The following CCR3 variants were observed in gnomAD, a reference collection of about 807,000 sequenced individuals.
CCR3 encodes the protein C-C motif chemokine receptor 3, also known as C-C chemokine receptor type 3.
For missense variants in CCR3, 419 were observed against 437.5 expected (o/e 0.96, Z 0.38); for synonymous variants, 203 against 179.2 (o/e 1.13, Z -1.06).
chr3:46,250,074 G>A lies in CCR3; in HGVS notation c.-12+7536G>A, dbSNP rs552124755. Among the ~76,000 whole-genome samples, 279 of 152,246 alleles carry A rather than the reference G, an allele frequency of 1.8e-3. 2 individuals carry two copies. Among genetic ancestry groups the A allele is most frequent in the African/African-American group, 6.4e-3 (264 of 41,520 alleles). ...GCGTCTCAGGGTTGCTGCCGAATGAGCCATGAACTGGGCTGGGTTTTTATA... is the reference window on the plus strand; with the variant it reads ...GCGTCTCAGGGTTGCTGCCGAATGAACCATGAACTGGGCTGGGTTTTTATA... On this transcript the variant is annotated intron_variant, in intron 1 of 1. Coordinates refer to ENST00000395940, the MANE Select transcript of CCR3 (RefSeq NM_178329.3).
At chr3:46,240,078 G>A (rs1700064322), upstream of CCR3, among the ~76,000 whole-genome samples, 1 of 152,074 alleles carries the variant, frequency 6.6e-6, no homozygotes, top group Admixed American at 6.5e-5. Context: ...GTCTTCAGAT[G>A]TCATTGACCG....
intron 2 of CCR3, among the ~76,000 whole-genome samples, chr3:46,230,564 A>G (rs912286923): frequency 3.9e-5 from 6 of 152,010 alleles, no homozygotes. Flanking sequence ...TTGCTTAACA[A>G]ACTCACCTCA....
chr3:46,227,280 T>G (rs1699911515), intron 2 of CCR3, among the ~76,000 whole-genome samples: 2 of 152,196 alleles, frequency 1.3e-5, no homozygotes, highest in South Asian at 4.1e-4. Flanking sequence ...GATAATAAAG[T>G]AGTTCATAGT....
rs1390292450 is a variant in CCR3, at chr3:46,264,364, C to T, written c.-11-784C>T. ...ACTGTGATTGTACATGTGTAACAGA[C>T]AAAATGTGTATTTTTTTCACAGCTG... is the stretch of plus-strand genomic sequence containing the variant. On this transcript the variant is annotated intron_variant, in intron 1 of 1. Coordinates refer to ENST00000395940, the MANE Select transcript of CCR3 (RefSeq NM_178329.3). 13 of 1,385,328 alleles carry T rather than the reference C, an allele frequency of 9.4e-6. No individual in the cohort carries two copies. In the Admixed American group the frequency reaches 1.6e-4, roughly 17 times the overall value. The allele number at this position is 1,385,328 out of a possible 1,614,324, so 85.8% of individuals were successfully genotyped here.
chr3:46,232,855 T>A (rs1682169715), intron 2 of CCR3, among the ~76,000 whole-genome samples: 1 of 152,226 alleles, frequency 6.6e-6, no homozygotes, highest in African/African-American at 2.4e-5. Context: ...TTTTTCTAGA[T>A]GAAGTCTTGC....
In CCR3 at chr3:46,265,792, C is replaced by G. The variant is rs764106513; in HGVS notation, c.634C>G (p.Leu212Val). Residue 212 changes from leucine to valine, a missense_variant, in exon 2 of 2, where the codon CTG becomes GTG. Coordinates refer to ENST00000395940, the MANE Select transcript of CCR3 (RefSeq NM_178329.3). ...GACCATCTTCTGTCTCGTTCTCCCT[C>G]TGCTCGTTATGGCCATCTGCTACAC... ...RMTIFCLVLPLLVMAICYTGI... is the reference protein window; with the variant it reads ...RMTIFCLVLPVLVMAICYTGI... The G allele has an allele frequency of 1.2e-6, 2 of 1,613,998 alleles. No homozygotes were observed. The highest frequency in any genetic ancestry group is 2.2e-5 in the South Asian group (2 of 91,086).
At chr3:46,256,513 A>G (rs1280903663) in intron 1 of CCR3, among the ~76,000 whole-genome samples, 1 of 152,158 alleles carries the variant, frequency 6.6e-6, no homozygotes, top group Non-Finnish European at 1.5e-5. Flanking sequence ...CTATAGGTGG[A>G]TTTATTTTGA....
At chr3:46,246,171 C>A (rs1050901311) in intron 1 of CCR3, among the ~76,000 whole-genome samples, 5 of 152,176 alleles carry the variant, frequency 3.3e-5, no homozygotes, top group African/African-American at 1.2e-4. Flanking sequence ...TTATTCTACT[C>A]CATCCTTTCA....
intron 2 of CCR3, among the ~76,000 whole-genome samples, chr3:46,227,037 A>G (rs1559526349): frequency 2.7e-5 from 4 of 150,666 alleles, no homozygotes; most frequent in Admixed American, 6.6e-5. Context: ...ATGCCTGGCT[A>G]TTTTTTTATT....
At chr3:46,254,243 C>G (rs553844764) in intron 1 of CCR3, among the ~76,000 whole-genome samples, 1 of 152,212 alleles carries the variant, frequency 6.6e-6, no homozygotes, top group South Asian at 2.1e-4. Context: ...GGCTCGACAA[C>G]AAACTCCCCT....
intron 1 of CCR3, among the ~76,000 whole-genome samples, chr3:46,252,108 C>G (rs1040513595): frequency 6.7e-6 from 1 of 149,726 alleles, no homozygotes; most frequent in Non-Finnish European, 1.5e-5. Context: ...ATGAAAAGTT[C>G]AGTTTCTCAA....
Position 46,216,111 on chromosome 3 carries a change from A to G in CCR3, c.-68+5204A>G, listed in dbSNP as rs145120674. Among the ~76,000 whole-genome samples the G allele has an allele frequency of 8.0e-3, 1,219 of 152,332 alleles. 17 individuals carry two copies. The highest frequency in any genetic ancestry group is 0.041 in the Middle Eastern group (12 of 294). Reference sequence around the variant, plus strand: ...AGCTATCGGAATTTGAAGTGTATGCATTTTTTATTCCAGCAATTCCACTTT... The same window carrying G: ...AGCTATCGGAATTTGAAGTGTATGCGTTTTTTATTCCAGCAATTCCACTTT... On this transcript the variant is annotated intron_variant, in intron 2 of 3. Transcript: ENST00000357422.
At chr3:46,240,239 GAAT>G (rs1700065722), upstream of CCR3, among the ~76,000 whole-genome samples, 1 of 152,208 alleles carries the variant, frequency 6.6e-6, no homozygotes, top group African/African-American at 2.4e-5. Context: ...TGGAGCTTCT[GAAT>G]GTGTGTCACC....
intron 1 of CCR3, among the ~76,000 whole-genome samples, chr3:46,262,974 C>T (rs1700554988): frequency 6.6e-6 from 1 of 152,216 alleles, no homozygotes; most frequent in Non-Finnish European, 1.5e-5. Flanking sequence ...TTTTCTGTCT[C>T]TGATCCCATG....
Position 46,265,550 on chromosome 3 carries a change from G to A in CCR3, c.392G>A (p.Arg131Lys), listed in dbSNP as rs1320068102. ...TTCATAATCCTGCTGACAATCGACA[G>A]GTACCTGGCCATTGTCCATGCTGTG... is the stretch of plus-strand genomic sequence containing the variant. ...IFFIILLTID[R>K]YLAIVHAVFA... The change falls in exon 2 of 2, where the codon AGG becomes AAG. Residue 131 changes from arginine (R) to lysine (K), a missense_variant. Coordinates refer to ENST00000395940, the MANE Select transcript of CCR3 (RefSeq NM_178329.3). 2 of 1,613,972 alleles carry A rather than the reference G, an allele frequency of 1.2e-6. No homozygotes were observed. Among genetic ancestry groups the A allele is most frequent in the Non-Finnish European group, 8.5e-7 (1 of 1,180,022 alleles).
intron 2 of CCR3, among the ~76,000 whole-genome samples, chr3:46,213,678 C>G (rs1667431733): frequency 1.3e-5 from 2 of 152,190 alleles, no homozygotes; most frequent in African/African-American, 4.8e-5. Flanking sequence ...GCTCCTGAAT[C>G]TTACTATCAC....
At chr3:46,221,137 C>G (rs1188781713) in intron 2 of CCR3, among the ~76,000 whole-genome samples, 1 of 152,168 alleles carries the variant, frequency 6.6e-6, no homozygotes, top group Non-Finnish European at 1.5e-5. Flanking sequence ...TGAACTTGGC[C>G]ACGGAGAGTA....
At chr3:46,224,184 TA>T (rs1559525703) in intron 2 of CCR3, among the ~76,000 whole-genome samples, 1 of 152,156 alleles carries the variant, frequency 6.6e-6, no homozygotes, top group African/African-American at 2.4e-5. Context: ...TCTGCATCAC[TA>T]ATCATTTGAG....
At chr3:46,241,327 A>G (rs1355401777), upstream of CCR3, among the ~76,000 whole-genome samples, 6 of 152,236 alleles carry the variant, frequency 3.9e-5, no homozygotes, top group Non-Finnish European at 7.3e-5. Context: ...TAGTCAGTGT[A>G]TCAAAGATCA....
Sources: gnomAD v4.1 joint callset for allele counts (sites outside exome capture counted in the v4.1 genomes callset) on GRCh38, gnomAD v4.1.1 for gene constraint, MANE v1.5 for transcripts, NCBI Gene and HGNC (gene_info 2026-07-23, HGNC 2026-07-21) for gene names.